Variants in GRM8 observed in about 807,000 individuals in gnomAD.
The protein encoded by GRM8 is metabotropic glutamate receptor 8.
A neutral mutation model predicts 87.2 loss-of-function variants in GRM8; 47 were observed. The observed-to-expected ratio is 0.54, with a 90% confidence interval of 0.43 to 0.69. GRM8 has a LOEUF of 0.69. Among genes scored for constraint, GRM8 ranks in the 30% least tolerant of loss-of-function variants. The pLI, the probability that GRM8 is intolerant of heterozygous loss-of-function variation, is 0.00. For synonymous variants in GRM8, 396 were observed against 404.5 expected, an observed-to-expected ratio of 0.98 and a Z score of 0.25; for missense variants, 1,019 against 1,139.2, an observed-to-expected ratio of 0.89 and a Z score of 1.52.
At chr7:126,504,593 C>T (rs1313708575) in intron 9 of GRM8, among the ~76,000 whole-genome samples, 2 of 151,896 alleles carry the variant, frequency 1.3e-5, no homozygotes, top group East Asian at 3.9e-4. Context: ...CTACCAAACC[C>T]CCATGACACA....
At chr7:126,570,614 G>A (rs1407341129) in intron 8 of GRM8, among the ~76,000 whole-genome samples, 1 of 152,124 alleles carries the variant, frequency 6.6e-6, no homozygotes, top group Non-Finnish European at 1.5e-5. Context: ...AAGACTTATT[G>A]AAAAACATCT....
At chr7:126,708,229 T>C (rs559605545) in intron 7 of GRM8, among the ~76,000 whole-genome samples, 68 of 152,106 alleles carry the variant, frequency 4.5e-4, no homozygotes, top group African/African-American at 1.6e-3. Context: ...AAATGAAAGA[T>C]AAATGCTGTC....
At chr7:126,936,016 C>T (rs910360418) in intron 3 of GRM8, among the ~76,000 whole-genome samples, 1 of 152,198 alleles carries the variant, frequency 6.6e-6, no homozygotes, top group South Asian at 2.1e-4. Flanking sequence ...AACATTACCA[C>T]TACCAAGCCT....
chr7:126,703,917 C>T (rs913808797), intron 7 of GRM8, among the ~76,000 whole-genome samples: 1 of 152,166 alleles, frequency 6.6e-6, no homozygotes, highest in African/African-American at 2.4e-5. Flanking sequence ...GACATTCCCT[C>T]TATTAACCCT....
At chr7:126,735,468 T>C (rs1814099092) in intron 7 of GRM8, among the ~76,000 whole-genome samples, 1 of 152,048 alleles carries the variant, frequency 6.6e-6, no homozygotes, top group Non-Finnish European at 1.5e-5. Flanking sequence ...GGAAGATAGA[T>C]AAATTGATCT....
intron 7 of GRM8, among the ~76,000 whole-genome samples, chr7:126,743,288 G>A (rs1050706320): frequency 6.6e-6 from 1 of 152,056 alleles, no homozygotes; most frequent in Non-Finnish European, 1.5e-5. Context: ...AGCTTAATGT[G>A]CTATAATGCA....
intron 6 of GRM8, among the ~76,000 whole-genome samples, chr7:126,776,687 A>G (rs539396078): frequency 6.6e-6 from 1 of 152,306 alleles, no homozygotes; most frequent in East Asian, 1.9e-4. Flanking sequence ...AGTAAAACCA[A>G]CGGCCTGAGA....
At chr7:127,026,427 GT>G (rs1816788833) in intron 3 of GRM8, among the ~76,000 whole-genome samples, 1 of 152,146 alleles carries the variant, frequency 6.6e-6, no homozygotes, top group Admixed American at 6.5e-5. Flanking sequence ...TCGCCACACT[GT>G]CTTCCACAAT....
chr7:127,151,414 A>C (rs1445894841), intron 2 of GRM8, among the ~76,000 whole-genome samples: 1 of 152,020 alleles, frequency 6.6e-6, no homozygotes, highest in Non-Finnish European at 1.5e-5. Flanking sequence ...ACCATTTCTT[A>C]TCTAAGGACC....
rs560505345 is a variant in GRM8 at position 126,643,521 on chromosome 7, T to G, written c.1358-34023A>C. 7.5e-4 allele frequency among the ~76,000 whole-genome samples: 98 copies of G among 131,542 alleles called. 1 individual carries two copies. Among genetic ancestry groups the G allele is most frequent in the African/African-American group, 2.4e-3 (94 of 39,616 alleles). 86.3% of individuals were successfully genotyped at this position (131,542 alleles called of 152,430 possible). On this transcript the variant is annotated intron_variant, in intron 7 of 10. Transcript: ENST00000339582. ...ATATGTCCATGTATATGTATAGCTA[T>G]TAAATTTAAAAAATCACCTAATATG...
intron 2 of GRM8, among the ~76,000 whole-genome samples, chr7:127,169,299 T>G (rs1350377986): frequency 1.3e-5 from 2 of 152,106 alleles, no homozygotes; most frequent in African/African-American, 2.4e-5. Flanking sequence ...GGACAGAAGA[T>G]CAAACCAGCC....
intron 9 of GRM8, among the ~76,000 whole-genome samples, chr7:126,484,498 A>G (rs1025239339): frequency 6.6e-6 from 1 of 152,064 alleles, no homozygotes. Flanking sequence ...CGTCTAGACG[A>G]ATTTAAAGTT....
intron 6 of GRM8, among the ~76,000 whole-genome samples, chr7:126,854,800 GTAA>G (rs962656453): frequency 3.3e-5 from 5 of 152,112 alleles, no homozygotes; most frequent in Admixed American, 6.5e-5. Flanking sequence ...TTCCTTAAGG[GTAA>G]TAATAACTTA....
intron 7 of GRM8, among the ~76,000 whole-genome samples, chr7:126,643,989 G>A (rs1371391544): frequency 6.6e-6 from 1 of 152,316 alleles, no homozygotes; most frequent in East Asian, 1.9e-4. Flanking sequence ...AAAATCATTT[G>A]AATAAATGTA....
At chr7:127,204,417 G>C (rs1375103299) in intron 2 of GRM8, among the ~76,000 whole-genome samples, 1 of 152,176 alleles carries the variant, frequency 6.6e-6, no homozygotes, top group African/African-American at 2.4e-5. Context: ...CCAAAGCACA[G>C]CAGTTGCCAT....
chr7:126,495,967 T>C (rs756707674), intron 9 of GRM8, among the ~76,000 whole-genome samples: 1 of 151,962 alleles, frequency 6.6e-6, no homozygotes, highest in Non-Finnish European at 1.5e-5. Context: ...GAGTAGAAGC[T>C]CAAAGCCAAA....
chr7:126,634,906 A>G (rs908358033), intron 7 of GRM8, among the ~76,000 whole-genome samples: 1 of 152,118 alleles, frequency 6.6e-6, no homozygotes, highest in Non-Finnish European at 1.5e-5. Context: ...GAGGGTCATG[A>G]CTAGACAACC....
intron 6 of GRM8, among the ~76,000 whole-genome samples, chr7:126,819,501 A>G (rs949794756): frequency 6.6e-6 from 1 of 152,182 alleles, no homozygotes; most frequent in African/African-American, 2.4e-5. Context: ...AGTCTTCATC[A>G]TATTAATCTC....
intron 2 of GRM8, chr7:127,229,841 G>A (rs1440734980): frequency 6.6e-6 from 1 of 152,098 alleles, no homozygotes; most frequent in Admixed American, 6.6e-5. Flanking sequence ...TTAGGAAAAT[G>A]GAAAAGAACC....
Sources: allele counts gnomAD v4.1 joint callset (sites outside exome capture counted in the v4.1 genomes callset), GRCh38; gene constraint gnomAD v4.1.1; transcripts MANE v1.5; gene names NCBI Gene and HGNC (gene_info 2026-07-23, HGNC 2026-07-21).